The following CMTM4 variants were observed in gnomAD, a reference collection of about 807,000 sequenced individuals.
CMTM4 encodes CKLF like MARVEL transmembrane domain containing 4, also known as CKLF-like MARVEL transmembrane domain-containing protein 4.
CMTM4 carries 8 observed loss-of-function variants against 19.0 expected under a neutral mutation model. The ratio of observed to expected loss-of-function variants is 0.42; its 90% confidence interval spans 0.25 to 0.76. The LOEUF is 0.76. Ranked by LOEUF, CMTM4 falls within the 30% of genes least tolerant of loss-of-function variation. The pLI, the probability that CMTM4 is intolerant of heterozygous loss-of-function variation, is 0.27. For synonymous variants in CMTM4, 106 were observed against 121.1 expected, an observed-to-expected ratio of 0.88 and a Z score of 0.82; for missense variants, 228 against 290.2, an observed-to-expected ratio of 0.79 and a Z score of 1.56.
At chr16:66,690,836 G>A (rs1054518615) in intron 1 of CMTM4, among the ~76,000 whole-genome samples, 1 of 152,204 alleles carries the variant, frequency 6.6e-6, no homozygotes, top group African/African-American at 2.4e-5. Flanking sequence ...GCCAGGCGCA[G>A]TGGCTCACAC....
At chr16:66,598,302 A>T in the CMTM4 span, among the ~76,000 whole-genome samples, 26 of 152,266 alleles carry the variant, frequency 1.7e-4, no homozygotes, top group South Asian at 2.1e-3. Context: ...AGGAGATCAC[A>T]GTCTGCTGGC....
At chr16:66,600,223 A>G in the CMTM4 span, among the ~76,000 whole-genome samples, 11 of 147,730 alleles carry the variant, frequency 7.4e-5, no homozygotes, top group African/African-American at 2.0e-4. Context: ...GCTCACTGCA[A>G]CCTCAGCCTC....
Position 66,621,285 on chromosome 16 carries a change from C to G in CMTM4, c.*773G>C. On this transcript the variant is annotated 3_prime_UTR_variant, in exon 4 of 4. Coordinates refer to ENST00000394106, the MANE Select transcript of CMTM4 (RefSeq NM_181521.3). ...GGCTTGTTTCTTTCATGGCTTTTAC[C>G]TGAGAAGGTAAAATGACTGAAAATC... 2 of 985,476 alleles carry G rather than the reference C, an allele frequency of 2.0e-6. No homozygotes were observed. The highest frequency in any genetic ancestry group is 2.4e-6 in the Non-Finnish European group (2 of 829,930). 61.0% of individuals were successfully genotyped at this position (985,476 alleles called of 1,614,324 possible).
chr16:66,604,654 G>T, the CMTM4 span: 6 of 547,172 alleles, frequency 1.1e-5, no homozygotes, highest in Admixed American at 2.8e-4. Flanking sequence ...GGAGGAGCGG[G>T]TGGGGGCGGG....
At chr16:66,645,157 G>A (rs1362668703) in intron 1 of CMTM4, among the ~76,000 whole-genome samples, 2 of 151,800 alleles carry the variant, frequency 1.3e-5, no homozygotes, top group African/African-American at 4.8e-5. Flanking sequence ...GGTGGCAGGC[G>A]CCTGTAATCC....
intron 1 of CMTM4, among the ~76,000 whole-genome samples, chr16:66,649,459 C>CTATCT (rs1555500121): frequency 3.4e-4 from 51 of 149,498 alleles, no homozygotes; most frequent in African/African-American, 9.8e-4. Context: ...TCTATCTATC[C>CTATCT]ATCTATCTAT....
the CMTM4 span, chr16:66,608,384 T>C: frequency 7.4e-6 from 12 of 1,614,198 alleles, no homozygotes; most frequent in Non-Finnish European, 1.0e-5. The surrounding 1 kb of genome is among the most constrained non-coding windows in gnomAD (Gnocchi z 5.1). Flanking sequence ...TCTGCTGGAG[T>C]TCCTGCTGGC....
At chr16:66,645,482 G>A (rs1442903434) in intron 1 of CMTM4, among the ~76,000 whole-genome samples, 2 of 151,136 alleles carry the variant, frequency 1.3e-5, no homozygotes, top group Admixed American at 6.6e-5. Context: ...GGAGGCTGAG[G>A]CAGAGAACTG....
At chr16:66,633,072 C>T (rs1013227710) in intron 2 of CMTM4, among the ~76,000 whole-genome samples, 3 of 126,870 alleles carry the variant, frequency 2.4e-5, no homozygotes, top group Admixed American at 7.6e-5. Context: ...GCAACAAGAG[C>T]GAAACTCCGT....
intron 1 of CMTM4, among the ~76,000 whole-genome samples, chr16:66,662,141 C>T (rs1465275770): frequency 1.3e-5 from 2 of 152,128 alleles, no homozygotes; most frequent in Non-Finnish European, 2.9e-5. Flanking sequence ...ATTTGGAATT[C>T]CAGTTCCAGT....
In CMTM4 at chr16:66,619,009, T is replaced by G; in HGVS notation, c.*3049A>C. On this transcript the variant is annotated 3_prime_UTR_variant, in exon 4 of 4. Transcript: ENST00000394106. ...GGCTGCCACATTCTTGCTTTTTCTG[T>G]AGACAAAAGTCACCTCCCTCGGATG... is the stretch of plus-strand genomic sequence containing the variant. 2 of 985,486 alleles carry G rather than the reference T, an allele frequency of 2.0e-6. No individual in the cohort carries two copies. The highest frequency in any genetic ancestry group is 1.2e-6 in the Non-Finnish European group (1 of 829,936). The allele number at this position is 985,486 out of a possible 1,614,324, so 61.0% of individuals were successfully genotyped here.
rs540606214 is a variant in CMTM4 at position 66,620,472 on chromosome 16, C to T, written c.*1586G>A. The T allele has an allele frequency of 1.0e-6, 1 of 985,478 alleles. No homozygotes were observed. The highest frequency in any genetic ancestry group is 4.7e-5 in the South Asian group (1 of 21,280). 61.0% of individuals were successfully genotyped at this position (985,478 alleles called of 1,614,324 possible). On this transcript the variant is annotated 3_prime_UTR_variant, in exon 4 of 4. Transcript: ENST00000394106. ...GCAGGAAGCTAACCCCAACTCCGAC[C>T]CCCAGCCCAGCAGTGTTGCCTGATC...
chr16:66,607,673 G>A, the CMTM4 span, among the ~76,000 whole-genome samples: 9 of 152,180 alleles, frequency 5.9e-5, no homozygotes, highest in South Asian at 8.3e-4. Context: ...TTCCTGCCTC[G>A]CTTTGATTTC....
the CMTM4 span, among the ~76,000 whole-genome samples, chr16:66,600,136 G>GGTTTTTTTTTTT: frequency 2.2e-5 from 3 of 135,162 alleles, no homozygotes; most frequent in African/African-American, 5.8e-5. Context: ...GTGTGTGTGT[G>GGTTTTTTTTTTT]TTTTTTTTTG....
downstream of CMTM4, chr16:66,610,140 C>A: frequency 9.3e-7 from 1 of 1,076,766 alleles, no homozygotes; most frequent in Non-Finnish European, 1.4e-6. This position sits in a 1 kb window ranked among gnomAD's most constrained non-coding sequence, Gnocchi z 4.6. Context: ...AGCCCATTCT[C>A]ACCTACCCTC....
intron 1 of CMTM4, among the ~76,000 whole-genome samples, chr16:66,675,457 TAAA>T (rs35189676): frequency 3.5e-5 from 4 of 115,226 alleles, no homozygotes; most frequent in Non-Finnish European, 3.6e-5. Flanking sequence ...TATTATTCAT[TAAA>T]AAAAAAAAAA....
chr16:66,624,485 T>C (rs928727806), intron 2 of CMTM4, among the ~76,000 whole-genome samples: 3 of 152,200 alleles, frequency 2.0e-5, no homozygotes, highest in African/African-American at 7.2e-5. Context: ...GATGTAAAGA[T>C]GGCTGGTGCG....
intron 1 of CMTM4, among the ~76,000 whole-genome samples, chr16:66,654,228 G>A (rs2016359727): frequency 6.6e-6 from 1 of 152,256 alleles, no homozygotes. Flanking sequence ...AAGCAAAGTT[G>A]TTAAGCAAAC....
chr16:66,660,226 A>G (rs2016475482), intron 1 of CMTM4, among the ~76,000 whole-genome samples: 1 of 152,096 alleles, frequency 6.6e-6, no homozygotes, highest in Non-Finnish European at 1.5e-5. Context: ...CATCTCTACA[A>G]AAAAAGAAAA....
Sources: gnomAD v4.1 joint callset for allele counts (sites outside exome capture counted in the v4.1 genomes callset) on GRCh38, gnomAD v4.1.1 for gene constraint, Gnocchi (gnomAD v3.1) non-coding constraint, MANE v1.5 for transcripts, NCBI Gene and HGNC (gene_info 2026-07-23, HGNC 2026-07-21) for gene names.